The following CRB1 variants were observed in gnomAD, a reference collection of about 807,000 sequenced individuals.
CRB1 encodes the protein crumbs cell polarity complex component 1.
CRB1 carries 83 observed loss-of-function variants against 120.0 expected under a neutral mutation model. The observed-to-expected ratio is 0.69, with a 90% CI of 0.58 to 0.83. The LOEUF (loss-of-function observed/expected upper bound fraction) is 0.83, where lower values mean the gene tolerates loss of function less well. Ranked by LOEUF, CRB1 falls within the 40% of genes least tolerant of loss-of-function variation. CRB1 has a pLI of 0.00. For synonymous variants in CRB1, 625 were observed against 612.5 expected (o/e 1.02, Z -0.30); for missense variants, 1,699 against 1,687.6 (o/e 1.01, Z -0.12).
chr1:197,344,231 A>T, intron 2 of CRB1, 50 bp from the exon 3 acceptor site: 1 of 1,561,794 alleles, frequency 6.4e-7, no homozygotes, highest in Non-Finnish European at 8.8e-7. Context: ...TAAATTATGA[A>T]CACTTTGCTA....
chr1:197,312,863 G>A (rs1009926281), intron 1 of CRB1, among the ~76,000 whole-genome samples: 2 of 151,880 alleles, frequency 1.3e-5, no homozygotes, highest in Non-Finnish European at 2.9e-5. Flanking sequence ...TTCATTCTCT[G>A]TAATATATCA....
intron 5 of CRB1, chr1:197,413,993 G>A (rs756579959): frequency 1.3e-5 from 6 of 456,162 alleles, no homozygotes; most frequent in South Asian, 7.8e-5. Context: ...TAATGGCAAT[G>A]CTCATAGGTA....
At chr1:197,223,363 A>T in the CRB1 span, 2 of 505,670 alleles carry the variant, frequency 4.0e-6, no homozygotes, top group Non-Finnish European at 7.1e-6. Flanking sequence ...ATTTATTAAA[A>T]CCTCACATTT....
intron 2 of CRB1, among the ~76,000 whole-genome samples, chr1:197,336,405 T>A (rs1033449486): frequency 2.0e-5 from 3 of 151,398 alleles, no homozygotes; most frequent in Non-Finnish European, 4.4e-5. Context: ...GAAAATAAAA[T>A]ATGTTATTAA....
rs533434673 is a variant in CRB1, at chr1:197,333,369, T to G, written c.652+4366T>G. Among the ~76,000 whole-genome samples, 3 of 152,340 alleles carry G rather than the reference T, an allele frequency of 2.0e-5. No homozygotes were observed. In the South Asian group the frequency reaches 6.2e-4, roughly 32 times the overall value. On this transcript the variant is annotated intron_variant, in intron 2 of 11. Transcript: ENST00000367400. ...AGTAAGTGGATGCAAACTTTTTTAA[T>G]GAAAAGAATATTAGCTCTAAGCATG...
At chr1:197,476,379 T>TGC (rs1667197560) in intron 11 of CRB1, among the ~76,000 whole-genome samples, 2 of 138,282 alleles carry the variant, frequency 1.4e-5, no homozygotes, top group East Asian at 5.1e-4. Context: ...TGTGTGTGTG[T>TGC]GTGTGTGTGT....
rs1224985408 is a variant in CRB1, at chr1:197,272,246, A to G, written c.70+3764A>G. ...TGCAAGTTAATATCCTTGCAGTGGC[A>G]TTTTGTAAAGTGCCTACCTAATTAT... On this transcript the variant is annotated intron_variant, in intron 1 of 11. Coordinates refer to ENST00000367400, the MANE Select transcript of CRB1 (RefSeq NM_201253.3). 2.6e-5 allele frequency among the ~76,000 whole-genome samples: 4 copies of G among 152,166 alleles called. No homozygotes were observed. The East Asian group carries it at 7.7e-4, about 29-fold the overall frequency.
chr1:197,246,948 TC>T, the CRB1 span, among the ~76,000 whole-genome samples: 1 of 152,012 alleles, frequency 6.6e-6, no homozygotes, highest in Admixed American at 6.6e-5. Flanking sequence ...GTAGAGTACT[TC>T]CTCTATCAAA....
At chr1:197,471,612 C>A (rs1221356809) in intron 11 of CRB1, among the ~76,000 whole-genome samples, 2 of 152,198 alleles carry the variant, frequency 1.3e-5, no homozygotes, top group Non-Finnish European at 2.9e-5. Context: ...GAGCATCTGG[C>A]TGGATAGCCT....
intron 4 of CRB1, among the ~76,000 whole-genome samples, chr1:197,350,077 G>A (rs552131308): frequency 2.0e-5 from 3 of 150,278 alleles, no homozygotes; most frequent in African/African-American, 4.9e-5. Context: ...TCCGCAGTCC[G>A]GCCTGGGCGA....
intron 5 of CRB1, among the ~76,000 whole-genome samples, chr1:197,382,511 T>C (rs1299311101): frequency 6.6e-6 from 1 of 152,140 alleles, no homozygotes; most frequent in Non-Finnish European, 1.5e-5. Context: ...AGAAAGGAAA[T>C]CTCAGAAAAT....
At chr1:197,368,087 A>G (rs1661172716) in intron 5 of CRB1, among the ~76,000 whole-genome samples, 1 of 152,220 alleles carries the variant, frequency 6.6e-6, no homozygotes, top group South Asian at 2.1e-4. Flanking sequence ...TCAAAGCTTC[A>G]TATAGTCATG....
chr1:197,440,471 A>C (rs1665379036), intron 10 of CRB1: 1 of 152,234 alleles, frequency 6.6e-6, no homozygotes, highest in Non-Finnish European at 1.5e-5. Flanking sequence ...TGTGTTCAGT[A>C]GATTCTATGC....
the CRB1 span, among the ~76,000 whole-genome samples, chr1:197,262,304 C>T: frequency 6.4e-3 from 971 of 152,256 alleles, 9 homozygotes; most frequent in African/African-American, 0.022. Flanking sequence ...TTTGAATAGA[C>T]AGCTCAAATT....
chr1:197,209,655 C>T, the CRB1 span, among the ~76,000 whole-genome samples: 12 of 152,232 alleles, frequency 7.9e-5, no homozygotes, highest in South Asian at 1.2e-3. Flanking sequence ...GCCTCTCCTG[C>T]GGTCTTTTCC....
chr1:197,434,360 G>A (rs1665019412), intron 8 of CRB1, among the ~76,000 whole-genome samples: 1 of 152,124 alleles, frequency 6.6e-6, no homozygotes, highest in Admixed American at 6.6e-5. Context: ...AAATTGGCAT[G>A]CATTAGGATT....
intron 4 of CRB1, among the ~76,000 whole-genome samples, chr1:197,353,053 A>C (rs545141065): frequency 2.0e-5 from 3 of 152,338 alleles, no homozygotes; most frequent in African/African-American, 7.2e-5. Flanking sequence ...TTTGTGAAGC[A>C]CACAGCCTGC....
At chr1:197,364,112 C>A in intron 5 of CRB1, 2 of 977,196 alleles carry the variant, frequency 2.0e-6, no homozygotes, top group Non-Finnish European at 3.0e-6. Flanking sequence ...GCTGCTGAGG[C>A]TTGTGGATGG....
intron 1 of CRB1, among the ~76,000 whole-genome samples, chr1:197,286,634 A>C (rs538868446): frequency 6.6e-6 from 1 of 151,954 alleles, no homozygotes; most frequent in African/African-American, 2.4e-5. Context: ...ACATTTGCAC[A>C]GAATATAATA....
Sources: allele counts gnomAD v4.1 joint callset (sites outside exome capture counted in the v4.1 genomes callset), GRCh38; gene constraint gnomAD v4.1.1; transcripts MANE v1.5; gene names NCBI Gene and HGNC (gene_info 2026-07-23, HGNC 2026-07-21).